RGS7: variants seen among roughly 807,000 people sequenced by gnomAD.
RGS7 encodes the protein regulator of G protein signaling 7, also known as regulator of G-protein signaling 7.
A neutral mutation model predicts 81.1 loss-of-function variants in RGS7; 27 were observed. The observed-to-expected ratio is 0.33, with a 90% CI of 0.25 to 0.46. The LOEUF is 0.46. Ranked by LOEUF, RGS7 falls within the 20% of genes least tolerant of loss-of-function variation. RGS7 has a pLI of 1.00. For missense variants in RGS7, 396 were observed against 607.4 expected (o/e 0.65, Z 3.66); for synonymous variants, 208 against 207.7 (o/e 1.00, Z -0.01).
rs138063996 is a variant in RGS7, at chr1:241,341,247, C to G, written c.78+14452G>C. On this transcript the variant is annotated intron_variant, in intron 2 of 18. Coordinates refer to ENST00000440928, the MANE Select transcript of RGS7 (RefSeq NM_001364886.1). ...ATGGAGGCTCAGAGAGAGAAACTGA[C>G]TTGTCCAAGATTATCTTGAACAATG... Among the ~76,000 whole-genome samples, 146 of 152,300 alleles carry G rather than the reference C, an allele frequency of 9.6e-4. No individual in the cohort carries two copies. In the Middle Eastern group the frequency reaches 0.014, roughly 14 times the overall value.
chr1:240,829,108 A>G (rs1693361862), intron 9 of RGS7, among the ~76,000 whole-genome samples: 1 of 152,174 alleles, frequency 6.6e-6, no homozygotes. Flanking sequence ...CTCCGCCATA[A>G]TATTATAATA....
chr1:240,986,285 A>G (rs1685654264), intron 3 of RGS7, among the ~76,000 whole-genome samples: 1 of 152,070 alleles, frequency 6.6e-6, no homozygotes, highest in Non-Finnish European at 1.5e-5. Context: ...TCCTCATCAC[A>G]CTGCTCATAG....
intron 2 of RGS7, among the ~76,000 whole-genome samples, chr1:241,254,511 A>C (rs2076975671): frequency 6.6e-6 from 1 of 152,158 alleles, no homozygotes; most frequent in African/African-American, 2.4e-5. Flanking sequence ...TGCTGGACAG[A>C]CAAAGAGCTC....
intron 6 of RGS7, among the ~76,000 whole-genome samples, 174 bp downstream of exon 6, chr1:240,930,543 C>T (rs887268376): frequency 1.7e-4 from 26 of 152,018 alleles, no homozygotes; most frequent in African/African-American, 6.0e-4. Context: ...AAAGTTGTCA[C>T]GAGGTCTGGT....
At chr1:241,033,451 A>G (rs1183844897) in intron 3 of RGS7, among the ~76,000 whole-genome samples, 1 of 152,172 alleles carries the variant, frequency 6.6e-6, no homozygotes, top group African/African-American at 2.4e-5. Context: ...GTCCAAAATG[A>G]AATGAAAAAT....
At chr1:240,983,232 T>C in intron 3 of RGS7, 103 bp from the exon 4 acceptor site, 17 of 577,806 alleles carry the variant, frequency 2.9e-5, no homozygotes, top group Non-Finnish European at 4.8e-5. Flanking sequence ...AGAAGGAACT[T>C]TTCTAATTGT....
chr1:240,993,224 A>G (rs1686767528), intron 3 of RGS7, among the ~76,000 whole-genome samples: 1 of 151,190 alleles, frequency 6.6e-6, no homozygotes, highest in African/African-American at 2.4e-5. Context: ...AAAGGAAGGA[A>G]GGAAAGAAGG....
intron 6 of RGS7, among the ~76,000 whole-genome samples, chr1:240,875,060 A>C (rs1294191866): frequency 2.0e-5 from 3 of 152,070 alleles, no homozygotes; most frequent in East Asian, 1.9e-4. Flanking sequence ...AAAACAAAAA[A>C]CAAAAAACAA....
At position 241,211,758 on chromosome 1, in the gene RGS7, G is replaced by T. The variant is rs532795146; in HGVS notation, c.79-112996C>A. On this transcript the variant is annotated intron_variant, in intron 2 of 18. Coordinates refer to ENST00000440928, the MANE Select transcript of RGS7 (RefSeq NM_001364886.1). ...CATTGATGTAGCAAGGCGTTATGGT[G>T]TCATAGAAAGGAAACTGGACAAAGA... is the stretch of plus-strand genomic sequence containing the variant. 3.3e-5 allele frequency among the ~76,000 whole-genome samples: 5 copies of T among 152,334 alleles called. No homozygotes were observed. In the South Asian group the frequency reaches 1.0e-3, roughly 32 times the overall value.
intron 2 of RGS7, among the ~76,000 whole-genome samples, chr1:241,338,643 G>A (rs1276560404): frequency 2.0e-5 from 3 of 151,628 alleles, no homozygotes; most frequent in Middle Eastern, 3.4e-3. Flanking sequence ...TAGGAAAATG[G>A]CAATTTTAAA....
intron 2 of RGS7, among the ~76,000 whole-genome samples, chr1:241,327,046 GGGGAAAGGAAGGA>G (rs2081574007): frequency 4.4e-5 from 2 of 44,968 alleles, no homozygotes; most frequent in Non-Finnish European, 9.8e-5. Context: ...AAGGGAGGGA[GGGGAAAGGAAGGA>G]AGAAGGAAGG....
chr1:241,290,883 T>C (rs556771843), intron 2 of RGS7, among the ~76,000 whole-genome samples: 2 of 152,350 alleles, frequency 1.3e-5, no homozygotes, highest in Admixed American at 1.3e-4. Context: ...CTTTTTAATA[T>C]GGCATTACAA....
chr1:241,038,995 G>A (rs1398517088), intron 3 of RGS7, among the ~76,000 whole-genome samples: 2 of 151,786 alleles, frequency 1.3e-5, no homozygotes, highest in Non-Finnish European at 2.9e-5. Flanking sequence ...AAAAGAAAAG[G>A]AAAAGAAAAA....
chr1:241,033,428 G>T, intron 3 of RGS7, among the ~76,000 whole-genome samples: 1 of 151,930 alleles, frequency 6.6e-6, no homozygotes, highest in African/African-American at 2.4e-5. Context: ...TATTCATGAT[G>T]AAATTCTCAT....
intron 18 of RGS7, among the ~76,000 whole-genome samples, chr1:240,796,377 T>C (rs1687065701): frequency 6.6e-6 from 1 of 152,096 alleles, no homozygotes; most frequent in Non-Finnish European, 1.5e-5. Flanking sequence ...TTTAAACAAT[T>C]GAGTTACAGA....
At position 241,119,165 on chromosome 1, in the gene RGS7, T is replaced by C. The variant is rs558296863; in HGVS notation, c.79-20403A>G. Among the ~76,000 whole-genome samples, 26 of 152,336 alleles carry C rather than the reference T, an allele frequency of 1.7e-4. 1 individual carries two copies. The highest frequency in any genetic ancestry group is 1.6e-3 in the Admixed American group (24 of 15,296). ...AAATGATAATAATAAGTACATTACA[T>C]GGTAACATGAATATCTATCACAACT... On this transcript the variant is annotated intron_variant, in intron 2 of 18. Coordinates refer to ENST00000440928, the MANE Select transcript of RGS7 (RefSeq NM_001364886.1).
chr1:241,299,247 G>T (rs2079595567), intron 2 of RGS7, among the ~76,000 whole-genome samples: 1 of 151,916 alleles, frequency 6.6e-6, no homozygotes, highest in Admixed American at 6.6e-5. Context: ...ACATTTCTAG[G>T]CTTGCTAATA....
In RGS7 at chr1:241,338,334, C is replaced by T. The variant is rs955675386; in HGVS notation, c.78+17365G>A. Among the ~76,000 whole-genome samples the T allele has an allele frequency of 2.6e-5, 4 of 152,234 alleles. No homozygotes were observed. In the South Asian group the frequency reaches 8.3e-4, roughly 32 times the overall value. On this transcript the variant is annotated intron_variant, in intron 2 of 18. Coordinates refer to ENST00000440928, the MANE Select transcript of RGS7 (RefSeq NM_001364886.1). ...CAATATAGCATTGAAATAAATCTAT[C>T]CAGTACTGGCCTATCTCTACAACTT...
chr1:241,253,106 T>C (rs531371488), intron 2 of RGS7, among the ~76,000 whole-genome samples: 1 of 152,382 alleles, frequency 6.6e-6, no homozygotes, highest in East Asian at 1.9e-4. Flanking sequence ...GTTTCTACCC[T>C]ATTCTTGATG....
Sources: gnomAD v4.1 joint callset for allele counts (sites outside exome capture counted in the v4.1 genomes callset) on GRCh38, gnomAD v4.1.1 for gene constraint, MANE v1.5 for transcripts, NCBI Gene and HGNC (gene_info 2026-07-23, HGNC 2026-07-21) for gene names.